SRRM4: variants seen among roughly 807,000 people sequenced by gnomAD.
SRRM4 encodes serine/arginine repetitive matrix protein 4.
In SRRM4, 33 loss-of-function variants were observed where a neutral mutation model predicts 68.9. The observed-to-expected ratio is 0.48, with a 90% CI of 0.36 to 0.64. SRRM4 has a LOEUF of 0.64. Ranked by LOEUF, SRRM4 falls within the 30% of genes least tolerant of loss-of-function variation. The pLI is 0.00. For missense variants in SRRM4, 817 were observed against 827.1 expected (o/e 0.99, Z 0.15); for synonymous variants, 318 against 318.8 (o/e 1.00, Z 0.03).
At chr12:119,011,318 G>T (rs1365833035) in intron 1 of SRRM4, among the ~76,000 whole-genome samples, 1 of 152,154 alleles carries the variant, frequency 6.6e-6, no homozygotes, top group Non-Finnish European at 1.5e-5. Context: ...GACATTTAGG[G>T]CCAGCCAGAT....
intron 1 of SRRM4, among the ~76,000 whole-genome samples, chr12:119,030,032 C>G (rs377734193): frequency 3.3e-5 from 5 of 152,304 alleles, no homozygotes; most frequent in South Asian, 4.1e-4. Flanking sequence ...AGCTGGGGAA[C>G]GTTTCAGCTT....
chr12:118,989,653 C>CA, intron 1 of SRRM4: 1 of 152,092 alleles, frequency 6.6e-6, no homozygotes, highest in East Asian at 1.9e-4. Context: ...GTCATAGAGA[C>CA]AAAGCCAAAC....
rs564879870 is a variant in SRRM4, at chr12:119,071,597, C to T, written c.132-30639C>T. Among the ~76,000 whole-genome samples, 44 of 152,304 alleles carry T rather than the reference C, an allele frequency of 2.9e-4. 1 individual carries two copies. Among genetic ancestry groups the T allele is most frequent in the African/African-American group, 1.1e-3 (44 of 41,554 alleles). On this transcript the variant is annotated intron_variant, in intron 1 of 12. Transcript: ENST00000267260. ...CAAATGCAAGCCCCTGGAACTCACCCTCCATTAAGACACAAGACACTTTGT... is the reference window on the plus strand; with the variant it reads ...CAAATGCAAGCCCCTGGAACTCACCTTCCATTAAGACACAAGACACTTTGT...
chr12:119,110,814 G>A (rs555483215), intron 2 of SRRM4, among the ~76,000 whole-genome samples: 10 of 152,162 alleles, frequency 6.6e-5, no homozygotes, highest in African/African-American at 1.4e-4. Context: ...CTCATGCTCC[G>A]TGGGCTGCAC....
chr12:119,078,258 C>T (rs1953928146), intron 1 of SRRM4, among the ~76,000 whole-genome samples: 1 of 152,218 alleles, frequency 6.6e-6, no homozygotes, highest in East Asian at 1.9e-4. Flanking sequence ...TTATAAGCAT[C>T]CATTTGCCCA....
chr12:119,005,338 A>C (rs1423504899), intron 1 of SRRM4, among the ~76,000 whole-genome samples: 1 of 152,258 alleles, frequency 6.6e-6, no homozygotes, highest in Non-Finnish European at 1.5e-5. Flanking sequence ...TTTGAGGAGC[A>C]TGTGGTGCAG....
At chr12:119,130,649 AC>A in intron 7 of SRRM4, 28 bp from the exon 8 acceptor site, 1 of 1,596,358 alleles carries the variant, frequency 6.3e-7, no homozygotes, top group East Asian at 2.2e-5. Flanking sequence ...CCTTCAAAAG[AC>A]CCTCAGGTCT....
intron 1 of SRRM4, among the ~76,000 whole-genome samples, chr12:118,987,294 C>T (rs916991514): frequency 6.6e-6 from 1 of 152,130 alleles, no homozygotes; most frequent in Non-Finnish European, 1.5e-5. Context: ...AGCAGATGCT[C>T]TTGTGTACTA....
intron 2 of SRRM4, 25 bp from the exon 3 acceptor site, chr12:119,114,253 A>ATGCTCCTCTCTT: frequency 6.2e-7 from 1 of 1,600,332 alleles, no homozygotes; most frequent in Non-Finnish European, 8.5e-7. Flanking sequence ...GAGTTATCTA[A>ATGCTCCTCTCTT]TGCTCCTCTC....
At position 119,079,201 on chromosome 12, in the gene SRRM4, G is replaced by T. The variant is rs567632232; in HGVS notation, c.132-23035G>T. ...GAAAGATTTGGGGTGGCACTATCAG[G>T]TTGGTATTCTTGGAACCAAGGATAC... is the stretch of plus-strand genomic sequence containing the variant. On this transcript the variant is annotated intron_variant, in intron 1 of 12. Coordinates refer to ENST00000267260, the MANE Select transcript of SRRM4 (RefSeq NM_194286.4). Among the ~76,000 whole-genome samples, 21 of 152,302 alleles carry T rather than the reference G, an allele frequency of 1.4e-4. 1 individual carries two copies. Among genetic ancestry groups the T allele is most frequent in the Non-Finnish European group, 1.6e-4 (11 of 68,018 alleles).
At chr12:119,099,822 G>A (rs1169074472) in intron 1 of SRRM4, among the ~76,000 whole-genome samples, 1 of 152,142 alleles carries the variant, frequency 6.6e-6, no homozygotes, top group African/African-American at 2.4e-5. Context: ...GGCTGCTTGA[G>A]TGTCCTCACA....
At chr12:119,021,779 A>G (rs1594030653) in intron 1 of SRRM4, among the ~76,000 whole-genome samples, 1 of 152,234 alleles carries the variant, frequency 6.6e-6, no homozygotes, top group Non-Finnish European at 1.5e-5. Flanking sequence ...TTGTGGCTGC[A>G]TAGTATTCCA....
In SRRM4 at chr12:119,033,424, G is replaced by A. The variant is rs188287247; in HGVS notation, c.131+51411G>A. Among the ~76,000 whole-genome samples the A allele has an allele frequency of 2.8e-3, 422 of 152,248 alleles. 4 individuals carry two copies. The highest frequency in any genetic ancestry group is 9.8e-3 in the African/African-American group (407 of 41,520). On this transcript the variant is annotated intron_variant, in intron 1 of 12. Transcript: ENST00000267260. ...CTCACACCTGTAATCCCAGCACTTAGGGAGACGGAGGTGGGCAGATCACGA... is the reference window on the plus strand; with the variant it reads ...CTCACACCTGTAATCCCAGCACTTAAGGAGACGGAGGTGGGCAGATCACGA...
chr12:118,996,588 T>C (rs1220060037), intron 1 of SRRM4, among the ~76,000 whole-genome samples: 1 of 152,184 alleles, frequency 6.6e-6, no homozygotes, highest in African/African-American at 2.4e-5. Context: ...AAATGCTGTG[T>C]AATTACTTTG....
At chr12:119,096,282 C>A (rs1201051051) in intron 1 of SRRM4, among the ~76,000 whole-genome samples, 1 of 151,698 alleles carries the variant, frequency 6.6e-6, no homozygotes, top group Non-Finnish European at 1.5e-5. Context: ...ATCCGCCCAC[C>A]TCAGCCTCCC....
chr12:119,124,739 A>T (rs1954246160), intron 6 of SRRM4, among the ~76,000 whole-genome samples: 1 of 152,144 alleles, frequency 6.6e-6, no homozygotes, highest in Non-Finnish European at 1.5e-5. Context: ...AAGAACCTGG[A>T]CTTAATTTTC....
At chr12:119,002,403 G>A (rs1000166741) in intron 1 of SRRM4, among the ~76,000 whole-genome samples, 6 of 152,094 alleles carry the variant, frequency 3.9e-5, no homozygotes, top group Admixed American at 2.0e-4. Context: ...ATGAAGATGA[G>A]CCAGATATGG....
intron 1 of SRRM4, among the ~76,000 whole-genome samples, chr12:118,997,279 T>G (rs947360376): frequency 6.6e-6 from 1 of 152,206 alleles, no homozygotes; most frequent in Non-Finnish European, 1.5e-5. Flanking sequence ...TATACTCACA[T>G]GTGGAGTGAT....
intron 1 of SRRM4, among the ~76,000 whole-genome samples, chr12:119,024,245 G>T (rs1250178126): frequency 6.6e-6 from 1 of 152,158 alleles, no homozygotes; most frequent in Non-Finnish European, 1.5e-5. Context: ...TGTTGAGGCT[G>T]ACAAGGGCCA....
Sources: allele counts gnomAD v4.1 joint callset (sites outside exome capture counted in the v4.1 genomes callset), GRCh38; gene constraint gnomAD v4.1.1; transcripts MANE v1.5; gene names NCBI Gene and HGNC (gene_info 2026-07-23, HGNC 2026-07-21).